The following LRP6 variants were observed in gnomAD, a reference collection of about 807,000 sequenced individuals.
LRP6 encodes low-density lipoprotein receptor-related protein 6.
A neutral mutation model predicts 184.1 loss-of-function variants in LRP6; 43 were observed. That is an observed-to-expected ratio of 0.23 (90% CI 0.18 to 0.30). The LOEUF (loss-of-function observed/expected upper bound fraction) is 0.30. Ranked by LOEUF, LRP6 falls within the 10% of genes least tolerant of loss-of-function variation. LRP6 has a pLI of 1.00. For missense variants in LRP6, 1,571 were observed against 2,005.3 expected (o/e 0.78, Z 4.14); for synonymous variants, 719 against 684.9 (o/e 1.05, Z -0.78).
intron 15 of LRP6, among the ~76,000 whole-genome samples, chr12:12,146,695 T>C (rs1481198417): frequency 6.6e-6 from 1 of 152,202 alleles, no homozygotes; most frequent in African/African-American, 2.4e-5. Context: ...GAAGATTTTT[T>C]AAGTAAAGCA....
rs1862820082 is a variant in LRP6 at position 12,164,438 on chromosome 12, G to A, written c.1887C>T (p.Val629=). The A allele has an allele frequency of 1.9e-6, 3 of 1,614,134 alleles. No homozygotes were observed. Among genetic ancestry groups the A allele is most frequent in the East Asian group, 2.2e-5 (1 of 44,884 alleles). The part of the protein sequence containing the change: ...ELISDMKTCI[V]PEAFLLFSRR... ...GTGAAAACAAAAGGAAAGCCTCTGG[G>A]ACAATGCAGGTCTTCATGTCACTGA... The change falls in exon 9 of 23, where the codon GTC becomes GTT. Residue 629 remains valine (V), a synonymous_variant. Transcript: ENST00000261349.
At chr12:12,189,205 CTT>C (rs1863552638) in intron 3 of LRP6, among the ~76,000 whole-genome samples, 1 of 152,184 alleles carries the variant, frequency 6.6e-6, no homozygotes, top group Admixed American at 6.5e-5. Context: ...CCCCTTGACA[CTT>C]ATTACTGACA....
At chr12:12,175,328 G>A (rs1313770583) in intron 7 of LRP6, among the ~76,000 whole-genome samples, 3 of 152,114 alleles carry the variant, frequency 2.0e-5, no homozygotes, top group Non-Finnish European at 4.4e-5. Context: ...GGCAGAGGTT[G>A]CTGTGAGCCG....
chr12:12,180,904 C>G (rs1863328348), intron 6 of LRP6, 139 bp downstream of exon 6: 1 of 870,408 alleles, frequency 1.1e-6, no homozygotes, highest in African/African-American at 1.7e-5. Context: ...TTCTAATCAC[C>G]ATATCCTAAA....
intron 2 of LRP6, among the ~76,000 whole-genome samples, chr12:12,243,949 T>C (rs541898711): frequency 3.9e-5 from 6 of 152,094 alleles, no homozygotes; most frequent in Non-Finnish European, 8.8e-5. Context: ...CCAGGTGTGG[T>C]AGCGCACACC....
intron 17 of LRP6, among the ~76,000 whole-genome samples, chr12:12,133,013 T>C (rs535139365): frequency 6.6e-6 from 1 of 152,336 alleles, no homozygotes; most frequent in Non-Finnish European, 1.5e-5. Context: ...CAACAGAGAA[T>C]ATTGCAGATT....
chr12:12,194,031 G>A (rs938566411), intron 3 of LRP6, among the ~76,000 whole-genome samples: 2 of 151,864 alleles, frequency 1.3e-5, no homozygotes, highest in Non-Finnish European at 2.9e-5. Flanking sequence ...ATGCAAGATC[G>A]GTTTAACAAC....
chr12:12,232,003 AAAAAAAC>A (rs948601543), intron 2 of LRP6, among the ~76,000 whole-genome samples: 36 of 150,720 alleles, frequency 2.4e-4, no homozygotes, highest in Middle Eastern at 6.9e-3. Context: ...TGCCTCAAAA[AAAAAAAC>A]AAAAACAAAA....
intron 12 of LRP6, among the ~76,000 whole-genome samples, chr12:12,152,901 T>A (rs923369904): frequency 6.6e-6 from 1 of 152,222 alleles, no homozygotes. Flanking sequence ...AAGAAACTTG[T>A]TATCTACAAA....
chr12:12,236,032 G>A (rs958940359), intron 2 of LRP6, among the ~76,000 whole-genome samples: 2 of 151,890 alleles, frequency 1.3e-5, no homozygotes, highest in Non-Finnish European at 2.9e-5. Flanking sequence ...GAGACCATCC[G>A]GGCTAACAGG....
chr12:12,177,571 T>C (rs1272713382), intron 7 of LRP6, among the ~76,000 whole-genome samples: 1 of 152,136 alleles, frequency 6.6e-6, no homozygotes, highest in Admixed American at 6.5e-5. Context: ...TTTCTTTAGT[T>C]TGCCAAGTAT....
At chr12:12,264,104 G>T (rs1865696934) in intron 1 of LRP6, among the ~76,000 whole-genome samples, 1 of 151,556 alleles carries the variant, frequency 6.6e-6, no homozygotes, top group Non-Finnish European at 1.5e-5. Context: ...TTACACCACT[G>T]CACCCCAGAC....
chr12:12,198,949 A>G lies in LRP6; in HGVS notation c.647+4254T>C, dbSNP rs115021086. On this transcript the variant is annotated intron_variant, in intron 3 of 22. Coordinates refer to ENST00000261349, the MANE Select transcript of LRP6 (RefSeq NM_002336.3). The stretch of plus-strand genomic sequence containing the variant: ...TTGAAGATTTGAAAAATAATTCCTA[A>G]AAGATTGACTTTTCCAGAAAACTAG... Among the ~76,000 whole-genome samples the G allele has an allele frequency of 8.2e-3, 1,250 of 152,258 alleles. 9 individuals carry two copies. The highest frequency in any genetic ancestry group is 0.028 in the African/African-American group (1,183 of 41,540).
Position 12,119,077 on chromosome 12 carries a change from T to G in LRP6, c.*2049A>C, listed in dbSNP as rs1276219233. On this transcript the variant is annotated 3_prime_UTR_variant, in exon 23 of 23. Transcript: ENST00000261349. ...CATTTTGTCTGACACTGTGGGCACT[T>G]AGTTCCAGCAATGGGAAGAGTTCAT... 6.6e-6 allele frequency: 1 copy of G among 152,238 alleles called. No individual in the cohort carries two copies. The highest frequency in any genetic ancestry group is 1.9e-4 in the East Asian group (1 of 5,192). 9.4% of individuals were successfully genotyped at this position (152,238 alleles called of 1,614,324 possible).
At chr12:12,205,982 T>C (rs1231631253) in intron 2 of LRP6, among the ~76,000 whole-genome samples, 1 of 152,242 alleles carries the variant, frequency 6.6e-6, no homozygotes, top group Non-Finnish European at 1.5e-5. Flanking sequence ...ATTGTCACTA[T>C]ACCTTTTCTA....
At chr12:12,210,076 C>A (rs969196919) in intron 2 of LRP6, among the ~76,000 whole-genome samples, 2 of 152,134 alleles carry the variant, frequency 1.3e-5, no homozygotes, top group Admixed American at 6.5e-5. Context: ...TGTAGCATAT[C>A]GTGAGGTACA....
At chr12:12,228,179 T>C (rs948362741) in intron 2 of LRP6, among the ~76,000 whole-genome samples, 1 of 152,132 alleles carries the variant, frequency 6.6e-6, no homozygotes, top group Non-Finnish European at 1.5e-5. Context: ...AGGACCAGCC[T>C]GGCCAACATG....
chr12:12,134,887 T>A lies in LRP6; in HGVS notation c.3733+288A>T, dbSNP rs12314349. Among the ~76,000 whole-genome samples, 126,303 of 152,140 alleles carry A rather than the reference T, an allele frequency of 0.83. 52,577 individuals are homozygous for A. Among genetic ancestry groups the A allele is most frequent in the East Asian group, 0.93 (4,817 of 5,174 alleles). ...GCAACAACACAGATGAACCTGGAAG[T>A]CATCCTGTTAAGTGAAATAAGCTAG... is the stretch of plus-strand genomic sequence containing the variant. On this transcript the variant is annotated intron_variant, in intron 17 of 22. Coordinates refer to ENST00000261349, the MANE Select transcript of LRP6 (RefSeq NM_002336.3).
At position 12,186,989 on chromosome 12, in the gene LRP6, C is replaced by T. The variant is rs1863491818; in HGVS notation, c.778G>A (p.Glu260Lys). The T allele has an allele frequency of 6.2e-7, 1 of 1,614,140 alleles. No individual in the cohort carries two copies. Among genetic ancestry groups the T allele is most frequent in the Non-Finnish European group, 8.5e-7 (1 of 1,180,022 alleles). Residue 260 changes from glutamate to lysine, a missense_variant, in exon 4 of 23, where the codon GAA (glutamate) becomes AAA (lysine). Glu to Lys is a moderately conservative substitution (Grantham distance 56). Transcript: ENST00000261349. ...CNKYTGEGLR[E>K]IHSDIFSPMD... Reference sequence around the variant, plus strand: ...GGAGAGAAGATGTCAGAATGGATTTCACGCAGACCCTCACCAGTATACTTG... The same window carrying T: ...GGAGAGAAGATGTCAGAATGGATTTTACGCAGACCCTCACCAGTATACTTG...
Sources: allele counts gnomAD v4.1 joint callset (sites outside exome capture counted in the v4.1 genomes callset), GRCh38; gene constraint gnomAD v4.1.1; transcripts MANE v1.5; gene names NCBI Gene and HGNC (gene_info 2026-07-23, HGNC 2026-07-21).